The following ALK variants were observed in gnomAD, a reference collection of about 807,000 sequenced individuals.
ALK encodes ALK receptor tyrosine kinase.
ALK carries 74 observed loss-of-function variants against 163.1 expected under a neutral mutation model. That is an observed-to-expected ratio of 0.45 (90% CI 0.38 to 0.55). ALK has a LOEUF of 0.55. Among genes scored for constraint, ALK ranks in the 20% least tolerant of loss-of-function variants. The pLI is 0.00. For missense variants in ALK, 2,063 were observed against 2,105.3 expected, an observed-to-expected ratio of 0.98 and a Z score of 0.39; for synonymous variants, 960 against 843.2, an observed-to-expected ratio of 1.14 and a Z score of -2.40.
intron 8 of ALK, among the ~76,000 whole-genome samples, chr2:29,306,021 A>G (rs1322818916): frequency 1.3e-5 from 2 of 151,746 alleles, no homozygotes; most frequent in Non-Finnish European, 2.9e-5. Context: ...AGTTTTGCTC[A>G]CTTGCCTGCC....
intron 5 of ALK, among the ~76,000 whole-genome samples, chr2:29,339,496 C>A (rs1667728422): frequency 6.6e-6 from 1 of 152,044 alleles, no homozygotes; most frequent in Non-Finnish European, 1.5e-5. Context: ...ACCCTGTGGG[C>A]CGTGGCAAGG....
chr2:29,615,594 G>A (rs896258467), intron 3 of ALK, among the ~76,000 whole-genome samples: 1 of 152,172 alleles, frequency 6.6e-6, no homozygotes, highest in Non-Finnish European at 1.5e-5. Flanking sequence ...TATAGTTACT[G>A]TTGTTATCAA....
chr2:29,673,544 T>A, intron 3 of ALK, among the ~76,000 whole-genome samples: 1 of 103,144 alleles, frequency 9.7e-6, no homozygotes, highest in Non-Finnish European at 1.9e-5. Context: ...TATATTTCTG[T>A]TTTGGTACCA....
chr2:29,486,756 C>A (rs1298343367), intron 4 of ALK, among the ~76,000 whole-genome samples: 2 of 152,152 alleles, frequency 1.3e-5, no homozygotes, highest in Non-Finnish European at 2.9e-5. Flanking sequence ...GGATAATTTA[C>A]TGATATTGTG....
intron 1 of ALK, among the ~76,000 whole-genome samples, chr2:29,836,151 T>C (rs975339364): frequency 1.3e-5 from 2 of 152,202 alleles, no homozygotes; most frequent in Admixed American, 6.5e-5. Context: ...GCACTTCTTT[T>C]AATAAGTCCC....
intron 3 of ALK, among the ~76,000 whole-genome samples, chr2:29,616,610 A>C (rs1675855337): frequency 6.6e-6 from 1 of 152,174 alleles, no homozygotes; most frequent in Admixed American, 6.5e-5. Flanking sequence ...CAACCTCTGA[A>C]ATTCTTACAG....
At chr2:29,574,284 A>G (rs1674461784) in intron 3 of ALK, among the ~76,000 whole-genome samples, 1 of 152,196 alleles carries the variant, frequency 6.6e-6, no homozygotes, top group African/African-American at 2.4e-5. Flanking sequence ...CAGGGCCATG[A>G]CACCACTTCT....
rs2631989 is a variant in ALK, at chr2:29,691,699, C to A, written c.952+3151G>T. 1.4e-3 allele frequency among the ~76,000 whole-genome samples: 217 copies of A among 152,028 alleles called. 2 individuals are homozygous for A. Among genetic ancestry groups the A allele is most frequent in the African/African-American group, 4.8e-3 (200 of 41,416 alleles). ...TTTTCTTCCTTCCCTCCTCTCCCCCCCTTCTTTTTTGTTTTGTCATAGCAC... is the reference window on the plus strand; with the variant it reads ...TTTTCTTCCTTCCCTCCTCTCCCCCACTTCTTTTTTGTTTTGTCATAGCAC... On this transcript the variant is annotated intron_variant, in intron 3 of 28. Coordinates refer to ENST00000389048, the MANE Select transcript of ALK (RefSeq NM_004304.5).
In ALK at chr2:29,328,463, T is replaced by C. The variant is rs1558675795; in HGVS notation, c.1301A>G (p.Lys434Arg). ...NCSEGTSPGS[K>R]MALQSSFTCW... The stretch of plus-strand genomic sequence containing the variant: ...AGTGAAGGAGCTCTGCAGGGCCATC[T>C]TGGAGCCTGGGGATGTTCCTGGAGA... Residue 434 changes from lysine to arginine, a missense_variant, in exon 6 of 29, where the codon AAG (lysine) becomes AGG (arginine). Physicochemically the swap from Lys to Arg is conservative, Grantham distance 26. Transcript: ENST00000389048. 1 of 1,614,164 alleles carries C rather than the reference T, an allele frequency of 6.2e-7. No individual in the cohort carries two copies. Among genetic ancestry groups the C allele is most frequent in the Non-Finnish European group, 8.5e-7 (1 of 1,180,008 alleles).
At position 29,548,244 on chromosome 2, in the gene ALK, C is replaced by T. The variant is rs1004326046; in HGVS notation, c.953-16128G>A. ...ATCCCAGCACTTTGGGAGGCCAAGG[C>T]AGACGGATCACGAGGTCAGGAGACT... is the stretch of plus-strand genomic sequence containing the variant. On this transcript the variant is annotated intron_variant, in intron 3 of 28. Coordinates refer to ENST00000389048, the MANE Select transcript of ALK (RefSeq NM_004304.5). Among the ~76,000 whole-genome samples, 6 of 152,130 alleles carry T rather than the reference C, an allele frequency of 3.9e-5. No homozygotes were observed. In the East Asian group the frequency reaches 9.7e-4, roughly 24 times the overall value.
chr2:29,483,207 G>T (rs1463167412), intron 4 of ALK, among the ~76,000 whole-genome samples: 2 of 152,208 alleles, frequency 1.3e-5, no homozygotes, highest in African/African-American at 4.8e-5. Context: ...GGTACGAAAT[G>T]AGAAAATATA....
chr2:29,635,403 A>C (rs2339551), intron 3 of ALK, among the ~76,000 whole-genome samples: 97,024 of 151,882 alleles, frequency 0.64, 31,936 homozygotes, highest in Middle Eastern at 0.75. Flanking sequence ...AGAGAGAGGC[A>C]GTTGACAATT....
chr2:29,916,107 A>C (rs1051450950), intron 1 of ALK, among the ~76,000 whole-genome samples: 9 of 152,192 alleles, frequency 5.9e-5, no homozygotes, highest in Non-Finnish European at 1.0e-4. Flanking sequence ...CAATATGTGA[A>C]AATATAGAAC....
intron 5 of ALK, among the ~76,000 whole-genome samples, chr2:29,371,983 C>T (rs894620227): frequency 1.3e-5 from 2 of 152,210 alleles, no homozygotes; most frequent in South Asian, 2.1e-4. Context: ...GTCTTCGATG[C>T]TTTATCTTAA....
chr2:29,678,159 A>C (rs977987523), intron 3 of ALK, among the ~76,000 whole-genome samples: 1 of 151,962 alleles, frequency 6.6e-6, no homozygotes, highest in African/African-American at 2.4e-5. Context: ...TCCCTCATTT[A>C]TTCCTGAATT....
intron 5 of ALK, among the ~76,000 whole-genome samples, chr2:29,332,044 T>G (rs1377518105): frequency 6.6e-6 from 1 of 151,770 alleles, no homozygotes; most frequent in Non-Finnish European, 1.5e-5. Context: ...CCCAGGACTT[T>G]GGGAGGCTGA....
At chr2:29,389,245 G>A (rs184544933) in intron 4 of ALK, among the ~76,000 whole-genome samples, 3 of 152,294 alleles carry the variant, frequency 2.0e-5, no homozygotes, top group Admixed American at 6.5e-5. Context: ...GGTAGCATAC[G>A]AGAGGTGAGT....
At chr2:29,877,731 G>T (rs1257338018) in intron 1 of ALK, among the ~76,000 whole-genome samples, 4 of 152,092 alleles carry the variant, frequency 2.6e-5, no homozygotes, top group Non-Finnish European at 4.4e-5. Flanking sequence ...CCTCCCACAC[G>T]CTGGCTCTGC....
At chr2:29,247,167 T>A (rs547754724) in intron 12 of ALK, among the ~76,000 whole-genome samples, 92 of 149,804 alleles carry the variant, frequency 6.1e-4, no homozygotes, top group African/African-American at 2.2e-3. Flanking sequence ...CGGCAGCGCC[T>A]TTCCCCCGGC....
Sources: gnomAD v4.1 joint callset for allele counts (sites outside exome capture counted in the v4.1 genomes callset) on GRCh38, gnomAD v4.1.1 for gene constraint, MANE v1.5 for transcripts, NCBI Gene and HGNC (gene_info 2026-07-23, HGNC 2026-07-21) for gene names.